The following ITFG1 variants were observed in gnomAD, a reference collection of about 807,000 sequenced individuals.
The protein encoded by ITFG1 is T-cell immunomodulatory protein.
ITFG1 carries 34 observed loss-of-function variants against 81.8 expected under a neutral mutation model. That is an observed-to-expected ratio of 0.42 (90% confidence interval 0.32 to 0.55). The LOEUF (loss-of-function observed/expected upper bound fraction) is 0.55, where lower values mean the gene tolerates loss of function less well. ITFG1 is among the 20% of genes least tolerant of loss of function. The probability of loss-of-function intolerance (pLI) is 0.17; values close to 1 mark genes in which losing one functional copy is unlikely to be tolerated. For missense variants in ITFG1, 672 were observed against 755.4 expected (o/e 0.89, Z 1.29); for synonymous variants, 285 against 270.6 (o/e 1.05, Z -0.52).
chr16:47,357,038 C>T (rs1413871750), intron 8 of ITFG1, among the ~76,000 whole-genome samples: 1 of 147,386 alleles, frequency 6.8e-6, no homozygotes, highest in Non-Finnish European at 1.5e-5. Flanking sequence ...AGTACTGTTG[C>T]AATAAAAAAA....
chr16:47,435,748 G>C (rs1002015115), intron 5 of ITFG1, among the ~76,000 whole-genome samples: 1 of 151,940 alleles, frequency 6.6e-6, no homozygotes, highest in African/African-American at 2.4e-5. Flanking sequence ...TTAGTCCTGC[G>C]GTCTTCAAAC....
chr16:47,190,543 G>A (rs1370305388), intron 14 of ITFG1, among the ~76,000 whole-genome samples: 1 of 152,146 alleles, frequency 6.6e-6, no homozygotes, highest in East Asian at 1.9e-4. Flanking sequence ...AGTTGTGAGT[G>A]TCAGTATGCA....
At chr16:47,390,247 T>G (rs1259665947) in intron 6 of ITFG1, among the ~76,000 whole-genome samples, 1 of 152,212 alleles carries the variant, frequency 6.6e-6, no homozygotes, top group Non-Finnish European at 1.5e-5. Context: ...TGGCATGGGC[T>G]GACATCACCA....
intron 11 of ITFG1, among the ~76,000 whole-genome samples, chr16:47,260,212 C>T (rs1208110640): frequency 1.3e-5 from 2 of 152,126 alleles, no homozygotes; most frequent in Non-Finnish European, 2.9e-5. Flanking sequence ...GCTGGGATTA[C>T]AGGTGTGAGC....
intron 10 of ITFG1, among the ~76,000 whole-genome samples, chr16:47,307,587 G>T (rs1967190510): frequency 1.3e-5 from 2 of 152,202 alleles, no homozygotes; most frequent in Admixed American, 1.3e-4. Context: ...CTTCAATAAT[G>T]ACACAGAATG....
At chr16:47,212,138 T>G (rs957155030) in intron 14 of ITFG1, among the ~76,000 whole-genome samples, 3 of 152,214 alleles carry the variant, frequency 2.0e-5, no homozygotes, top group African/African-American at 7.2e-5. Context: ...TGTCTGGTTT[T>G]GGTATCAGGG....
intron 9 of ITFG1, 106 bp from the exon 10 acceptor site, chr16:47,311,518 C>A: frequency 1.2e-6 from 1 of 848,912 alleles, no homozygotes. Context: ...CATTATTTTA[C>A]TTAACTTTTT....
intron 8 of ITFG1, among the ~76,000 whole-genome samples, chr16:47,339,056 T>C (rs1596908923): frequency 6.6e-6 from 1 of 152,348 alleles, no homozygotes; most frequent in East Asian, 1.9e-4. Flanking sequence ...CATGCCAAGT[T>C]TGTCTTTCTG....
intron 10 of ITFG1, among the ~76,000 whole-genome samples, chr16:47,304,782 A>G (rs1372392629): frequency 6.6e-6 from 1 of 152,202 alleles, no homozygotes; most frequent in Non-Finnish European, 1.5e-5. Flanking sequence ...TACCAAAAAA[A>G]AGTGCAAAAT....
intron 8 of ITFG1, among the ~76,000 whole-genome samples, chr16:47,347,728 G>T (rs1967879303): frequency 6.6e-6 from 1 of 152,222 alleles, no homozygotes; most frequent in Admixed American, 6.5e-5. Flanking sequence ...TGAGATCTGA[G>T]AACGGACAGA....
intron 8 of ITFG1, among the ~76,000 whole-genome samples, chr16:47,321,773 T>C (rs1043875694): frequency 2.0e-5 from 3 of 152,196 alleles, no homozygotes; most frequent in Non-Finnish European, 4.4e-5. Context: ...GGCTAGATAC[T>C]TTTAGAAAAT....
chr16:47,155,845 A>T, intron 17 of ITFG1, 67 bp from the exon 18 acceptor site: 1 of 1,116,214 alleles, frequency 9.0e-7, no homozygotes, highest in Non-Finnish European at 1.3e-6. Context: ...CATTTCTGAA[A>T]TACACAGTGA....
At chr16:47,314,481 A>G (rs1967320747) in intron 8 of ITFG1, among the ~76,000 whole-genome samples, 1 of 152,216 alleles carries the variant, frequency 6.6e-6, no homozygotes, top group Non-Finnish European at 1.5e-5. Flanking sequence ...ATTTTTATCA[A>G]TGAAAAAGCA....
intron 2 of ITFG1, among the ~76,000 whole-genome samples, 197 bp from the exon 3 acceptor site, chr16:47,454,355 AG>A (rs1324456135): frequency 6.6e-6 from 1 of 152,224 alleles, no homozygotes; most frequent in Non-Finnish European, 1.5e-5. Flanking sequence ...GAATGAATGC[AG>A]AATAGTCTCA....
At chr16:47,370,756 T>C (rs1415142372) in intron 7 of ITFG1, among the ~76,000 whole-genome samples, 1 of 152,128 alleles carries the variant, frequency 6.6e-6, no homozygotes, top group Non-Finnish European at 1.5e-5. Context: ...TTAGGACTGG[T>C]AGTGCGAGCC....
intron 14 of ITFG1, among the ~76,000 whole-genome samples, chr16:47,189,443 T>C (rs1596796534): frequency 6.6e-6 from 1 of 152,210 alleles, no homozygotes; most frequent in East Asian, 1.9e-4. Flanking sequence ...GGACCTTTCA[T>C]ATAAATGAAG....
intron 5 of ITFG1, among the ~76,000 whole-genome samples, chr16:47,430,098 C>A (rs1262718846): frequency 2.0e-5 from 3 of 149,076 alleles, no homozygotes; most frequent in African/African-American, 4.9e-5. Flanking sequence ...CGCTCTGTCA[C>A]CCAGGTTGTA....
chr16:47,263,286 G>T, intron 10 of ITFG1: 1 of 446,014 alleles, frequency 2.2e-6, no homozygotes, highest in Non-Finnish European at 4.5e-6. Context: ...TATGCTTATG[G>T]GGTTATGAAT....
At chr16:47,180,364 TCCCTCC>T (rs1282454565) in intron 14 of ITFG1, among the ~76,000 whole-genome samples, 1 of 150,744 alleles carries the variant, frequency 6.6e-6, no homozygotes, top group Non-Finnish European at 1.5e-5. Flanking sequence ...CCTCTCCCTC[TCCCTCC>T]CCCTCCCCCT....
Sources: allele counts gnomAD v4.1 joint callset (sites outside exome capture counted in the v4.1 genomes callset), GRCh38; gene constraint gnomAD v4.1.1; transcripts MANE v1.5; gene names NCBI Gene and HGNC (gene_info 2026-07-23, HGNC 2026-07-21).